NBEA: variants seen among roughly 807,000 people sequenced by gnomAD.
NBEA encodes lysosomal-trafficking regulator 2.
Under a neutral mutation model 343.4 loss-of-function variants are expected in NBEA, and 44 were observed. The observed-to-expected ratio is 0.13, with a 90% CI of 0.10 to 0.16. The LOEUF (loss-of-function observed/expected upper bound fraction) is 0.16. Ranked by LOEUF, NBEA falls within the 10% of genes least tolerant of loss-of-function variation. The probability of loss-of-function intolerance (pLI) is 1.00; values close to 1 mark genes in which losing one functional copy is unlikely to be tolerated. For synonymous variants in NBEA, 1,175 were observed against 1,238.7 expected, an observed-to-expected ratio of 0.95 and a Z score of 1.08; for missense variants, 2,555 against 3,631.3, an observed-to-expected ratio of 0.70 and a Z score of 7.62.
chr13:35,018,107 A>G (rs960326554), intron 1 of NBEA, among the ~76,000 whole-genome samples: 1 of 152,208 alleles, frequency 6.6e-6, no homozygotes, highest in African/African-American at 2.4e-5. Context: ...GTTAATGTGT[A>G]TGTCTATTCT....
chr13:35,120,862 A>C (rs1413328601), intron 16 of NBEA, among the ~76,000 whole-genome samples: 1 of 152,230 alleles, frequency 6.6e-6, no homozygotes, highest in African/African-American at 2.4e-5. Flanking sequence ...TGTATATTAC[A>C]AGTAAACATT....
chr13:35,267,445 C>A (rs923787312), intron 34 of NBEA, among the ~76,000 whole-genome samples: 11 of 151,650 alleles, frequency 7.3e-5, no homozygotes, highest in African/African-American at 2.7e-4. Context: ...TTGGATTTGG[C>A]AATTATATCT....
At chr13:34,999,764 T>A (rs1177234270) in intron 1 of NBEA, among the ~76,000 whole-genome samples, 1 of 151,190 alleles carries the variant, frequency 6.6e-6, no homozygotes, top group Non-Finnish European at 1.5e-5. Context: ...TTATCCACAC[T>A]TAACAGATGT....
At chr13:35,342,464 T>G (rs1260590062) in intron 36 of NBEA, among the ~76,000 whole-genome samples, 4 of 151,962 alleles carry the variant, frequency 2.6e-5, no homozygotes, top group Non-Finnish European at 5.9e-5. Flanking sequence ...ACTAAGAAAC[T>G]TACAATGTAT....
At chr13:35,286,288 A>AT (rs2035421998) in intron 34 of NBEA, among the ~76,000 whole-genome samples, 2 of 151,922 alleles carry the variant, frequency 1.3e-5, no homozygotes, top group South Asian at 4.2e-4. Context: ...TCAAAATGTA[A>AT]TTTTTTCTCT....
At chr13:35,309,297 C>T (rs1392010844) in intron 35 of NBEA, among the ~76,000 whole-genome samples, 1 of 152,078 alleles carries the variant, frequency 6.6e-6, no homozygotes, top group Non-Finnish European at 1.5e-5. Context: ...CTTTCCATCT[C>T]AGTTTGCATC....
At chr13:35,244,710 G>A (rs867534997) in intron 34 of NBEA, among the ~76,000 whole-genome samples, 7 of 152,146 alleles carry the variant, frequency 4.6e-5, no homozygotes, top group African/African-American at 1.7e-4. Flanking sequence ...TTGGAAGTAT[G>A]GTCATGGTCA....
chr13:35,299,161 A>G (rs2036363751), intron 35 of NBEA, among the ~76,000 whole-genome samples: 1 of 152,148 alleles, frequency 6.6e-6, no homozygotes, highest in Non-Finnish European at 1.5e-5. Context: ...ACAGATAATG[A>G]TAAATAGATA....
intron 8 of NBEA, among the ~76,000 whole-genome samples, chr13:35,066,450 T>C (rs1380988249): frequency 2.6e-5 from 4 of 152,132 alleles, no homozygotes; most frequent in African/African-American, 9.7e-5. Context: ...CTTCAGAGAT[T>C]TCTTCATGTA....
chr13:35,210,598 T>C (rs1289482094), intron 32 of NBEA, among the ~76,000 whole-genome samples: 1 of 152,166 alleles, frequency 6.6e-6, no homozygotes, highest in African/African-American at 2.4e-5. Flanking sequence ...ATAGCCCTTC[T>C]TAAGCAGTGA....
chr13:35,494,292 T>C (rs1472095009), intron 41 of NBEA, among the ~76,000 whole-genome samples: 1 of 152,000 alleles, frequency 6.6e-6, no homozygotes, highest in Non-Finnish European at 1.5e-5. Context: ...AGAATTTTGC[T>C]TGGCACCTTC....
intron 18 of NBEA, among the ~76,000 whole-genome samples, chr13:35,152,174 C>T (rs537981362): frequency 2.6e-5 from 4 of 152,194 alleles, no homozygotes; most frequent in East Asian, 1.9e-4. Context: ...TAATAACTAA[C>T]CAATTTAAAG....
intron 48 of NBEA, among the ~76,000 whole-genome samples, chr13:35,626,517 T>C (rs1193417280): frequency 6.6e-6 from 1 of 152,210 alleles, no homozygotes; most frequent in African/African-American, 2.4e-5. Flanking sequence ...TGGTAAAATC[T>C]TCCTTTAAAT....
At chr13:34,979,534 G>GA (rs2060287614) in intron 1 of NBEA, among the ~76,000 whole-genome samples, 1 of 151,616 alleles carries the variant, frequency 6.6e-6, no homozygotes. Context: ...AAAAAAAAAA[G>GA]AAAAACAATT....
At chr13:35,643,414 G>A (rs2084065014) in intron 49 of NBEA, among the ~76,000 whole-genome samples, 1 of 152,140 alleles carries the variant, frequency 6.6e-6, no homozygotes, top group Non-Finnish European at 1.5e-5. Context: ...CATAGAGTAA[G>A]CATTCAACAA....
At chr13:35,234,214 A>T (rs187616399) in intron 34 of NBEA, among the ~76,000 whole-genome samples, 5 of 152,226 alleles carry the variant, frequency 3.3e-5, no homozygotes, top group African/African-American at 1.2e-4. Context: ...GTCACCCTGG[A>T]TGCTACTATT....
intron 45 of NBEA, among the ~76,000 whole-genome samples, chr13:35,576,258 A>G (rs1277805547): frequency 1.3e-5 from 2 of 151,274 alleles, no homozygotes; most frequent in African/African-American, 4.9e-5. Flanking sequence ...CTGAGATTAC[A>G]TGTGCCCACC....
chr13:34,950,247 C>T (rs988255979), intron 1 of NBEA, among the ~76,000 whole-genome samples: 13 of 152,106 alleles, frequency 8.5e-5, no homozygotes, highest in African/African-American at 2.7e-4. Flanking sequence ...AAGGTGCTTT[C>T]GCTGGGGTTG....
intron 1 of NBEA, among the ~76,000 whole-genome samples, chr13:35,008,049 T>G (rs1000971418): frequency 2.0e-5 from 3 of 152,162 alleles, no homozygotes; most frequent in Non-Finnish European, 4.4e-5. Flanking sequence ...TACTTTTGAT[T>G]TACGCTGGTG....
Sources: allele counts gnomAD v4.1 joint callset (sites outside exome capture counted in the v4.1 genomes callset), GRCh38; gene constraint gnomAD v4.1.1; transcripts MANE v1.5; gene names NCBI Gene and HGNC (gene_info 2026-07-23, HGNC 2026-07-21).